The following POU2F2 variants were observed in gnomAD, a reference collection of about 807,000 sequenced individuals.
The protein encoded by POU2F2 is POU class 2 homeobox 2.
In POU2F2, 14 loss-of-function variants were observed where a neutral mutation model predicts 63.5. The observed-to-expected ratio is 0.22, with a 90% CI of 0.15 to 0.34. The LOEUF is 0.34. Ranked by LOEUF, POU2F2 falls within the 10% of genes least tolerant of loss-of-function variation. POU2F2 has a pLI of 1.00. For synonymous variants in POU2F2, 306 were observed against 348.6 expected, an observed-to-expected ratio of 0.88 and a Z score of 1.36; for missense variants, 607 against 815.2, an observed-to-expected ratio of 0.74 and a Z score of 3.11.
rs181381940 is a variant in POU2F2, at chr19:42,090,945, T to G, written c.*312A>C. Reference sequence around the variant, plus strand: ...ACGCTGAGGTCTGGCTCGCGACTGGTTTTTTGGTTTGTTTGATTTTGTGGG... The same window carrying G: ...ACGCTGAGGTCTGGCTCGCGACTGGGTTTTTGGTTTGTTTGATTTTGTGGG... On this transcript the variant is annotated 3_prime_UTR_variant, in exon 15 of 15. Coordinates refer to ENST00000692977, the MANE Select transcript of POU2F2 (RefSeq NM_001394376.1). The surrounding 1 kb of genome is among the most constrained non-coding windows in gnomAD (Gnocchi z 4.4). The G allele has an allele frequency of 1.7e-5, 4 of 231,674 alleles. No homozygotes were observed. The highest frequency in any genetic ancestry group is 3.3e-5 in the Non-Finnish European group (4 of 119,698). 14.4% of individuals were successfully genotyped at this position (231,674 alleles called of 1,614,324 possible).
intron 1 of POU2F2, among the ~76,000 whole-genome samples, chr19:42,189,653 T>C (rs554540210): frequency 6.6e-6 from 1 of 152,236 alleles, no homozygotes; most frequent in Admixed American, 6.5e-5. Flanking sequence ...TGGGATGAGA[T>C]GAGGAGGACA....
At chr19:42,151,260 G>C (rs976902875) in intron 2 of POU2F2, among the ~76,000 whole-genome samples, 1 of 150,344 alleles carries the variant, frequency 6.7e-6, no homozygotes, top group Non-Finnish European at 1.5e-5. Flanking sequence ...GGATGGCCTG[G>C]TACTCAGGGA....
chr19:42,176,298 T>A (rs1231891352), upstream of POU2F2, among the ~76,000 whole-genome samples: 2 of 152,314 alleles, frequency 1.3e-5, no homozygotes, highest in East Asian at 3.9e-4. Context: ...GGTTGCGATG[T>A]GTTTTATTTT....
chr19:42,104,894 C>T (rs990453503), intron 5 of POU2F2, among the ~76,000 whole-genome samples: 9 of 152,142 alleles, frequency 5.9e-5, no homozygotes, highest in Non-Finnish European at 1.0e-4. Flanking sequence ...CTGCTTATTC[C>T]GTGTATGGCA....
At position 42,132,377 on chromosome 19, in the gene POU2F2, C is replaced by G. The variant is rs771286348; in HGVS notation, c.28+7G>C. The G allele has an allele frequency of 6.4e-7, 1 of 1,573,258 alleles. No individual in the cohort carries two copies. The highest frequency in any genetic ancestry group is 8.6e-7 in the Non-Finnish European group (1 of 1,163,402). On this transcript the variant is annotated splice_region_variant and intron_variant, in intron 1 of 14. Transcript: ENST00000692977. ...CTGAGCAGTGGCACAGGCACCAGCC[C>G]CCTTACCTGGAGCCCCCATGCTGGA... is the stretch of plus-strand genomic sequence containing the variant.
At chr19:42,116,387 C>T (rs1372531948) in intron 5 of POU2F2, among the ~76,000 whole-genome samples, 2 of 152,112 alleles carry the variant, frequency 1.3e-5, no homozygotes, top group Non-Finnish European at 1.5e-5. Flanking sequence ...CTCCTGGTTT[C>T]CTTACCTGTA....
chr19:42,125,409 G>A (rs1279811245), intron 1 of POU2F2, among the ~76,000 whole-genome samples: 1 of 151,386 alleles, frequency 6.6e-6, no homozygotes, highest in Non-Finnish European at 1.5e-5. Flanking sequence ...GGTGGGGAGT[G>A]GGTGCCCAGG....
intron 1 of POU2F2, among the ~76,000 whole-genome samples, chr19:42,187,022 G>A (rs997431591): frequency 6.6e-6 from 1 of 152,174 alleles, no homozygotes; most frequent in Non-Finnish European, 1.5e-5. Context: ...CAGTGTCATA[G>A]AGAGAGGTCT....
intron 2 of POU2F2, among the ~76,000 whole-genome samples, chr19:42,154,091 A>G (rs1403762999): frequency 1.3e-5 from 1 of 74,274 alleles, no homozygotes; most frequent in Admixed American, 1.2e-4. Flanking sequence ...CCCCAGCGCC[A>G]CCCGCTCCCC....
chr19:42,119,124 T>TA (rs199624255), intron 4 of POU2F2, among the ~76,000 whole-genome samples: 22 of 141,980 alleles, frequency 1.5e-4, no homozygotes, highest in East Asian at 6.2e-4. Flanking sequence ...CACCGTCTCT[T>TA]AAAAAAAAAA....
chr19:42,191,040 C>T (rs565832515), intron 1 of POU2F2, among the ~76,000 whole-genome samples: 23 of 148,268 alleles, frequency 1.6e-4, no homozygotes, highest in African/African-American at 5.5e-4. Flanking sequence ...GCACTCCACA[C>T]TCCAACCTGG....
rs943146886 is a variant in POU2F2 at position 42,117,691 on chromosome 19, A to G, written c.187-259T>C. 3.9e-5 allele frequency among the ~76,000 whole-genome samples: 6 copies of G among 152,048 alleles called. No individual in the cohort carries two copies. The highest frequency in any genetic ancestry group is 8.8e-5 in the Non-Finnish European group (6 of 67,992). ...TCAGTTTTCCTGTCTGTAAAATGGA[A>G]AAGAGTGGCTGGGCACGGTGGCTCA... On this transcript the variant is annotated intron_variant, in intron 4 of 14. Coordinates refer to ENST00000692977, the MANE Select transcript of POU2F2 (RefSeq NM_001394376.1). The surrounding 1 kb of genome is among the most constrained non-coding windows in gnomAD (Gnocchi z 4.4).
intron 1 of POU2F2, among the ~76,000 whole-genome samples, chr19:42,188,340 T>G (rs1336088225): frequency 4.8e-5 from 7 of 145,686 alleles, no homozygotes; most frequent in African/African-American, 1.8e-4. Flanking sequence ...CACTGCAACC[T>G]GGGTGACAGA....
intron 2 of POU2F2, among the ~76,000 whole-genome samples, chr19:42,140,062 T>A (rs2034096644): frequency 6.6e-6 from 1 of 152,146 alleles, no homozygotes; most frequent in Non-Finnish European, 1.5e-5. Flanking sequence ...CTTGTGTGAG[T>A]CTCATTCAGA....
At chr19:42,166,036 A>G (rs2034642617) in intron 1 of POU2F2, among the ~76,000 whole-genome samples, 2 of 152,212 alleles carry the variant, frequency 1.3e-5, no homozygotes, top group Admixed American at 1.3e-4. Flanking sequence ...GAACAATGAG[A>G]GCTCCCATTA....
At chr19:42,196,314 C>T (rs1361547462) in intron 1 of POU2F2, 2 of 152,276 alleles carry the variant, frequency 1.3e-5, no homozygotes, top group Non-Finnish European at 2.9e-5. Context: ...GCCTGCTCCC[C>T]ACGCGGAAAA....
chr19:42,107,329 C>G (rs1049191828), intron 5 of POU2F2, among the ~76,000 whole-genome samples: 2 of 151,784 alleles, frequency 1.3e-5, no homozygotes, highest in Non-Finnish European at 2.9e-5. Context: ...CACTCCAGCT[C>G]GAGCAACAGA....
At chr19:42,118,841 G>A (rs1297833422) in intron 4 of POU2F2, among the ~76,000 whole-genome samples, 2 of 152,220 alleles carry the variant, frequency 1.3e-5, no homozygotes, top group East Asian at 3.8e-4. Context: ...AGGAAGTCCA[G>A]AGACAGAAAG....
intron 1 of POU2F2, among the ~76,000 whole-genome samples, chr19:42,186,517 A>T (rs898474659): frequency 2.0e-5 from 3 of 151,824 alleles, no homozygotes; most frequent in African/African-American, 7.3e-5. Flanking sequence ...GAGAGGCTAG[A>T]TGGGGCCCAA....
Sources: gnomAD v4.1 joint callset for allele counts (sites outside exome capture counted in the v4.1 genomes callset) on GRCh38, gnomAD v4.1.1 for gene constraint, Gnocchi (gnomAD v3.1) non-coding constraint, MANE v1.5 for transcripts, NCBI Gene and HGNC (gene_info 2026-07-23, HGNC 2026-07-21) for gene names.